The following BLTP3A variants were observed in gnomAD, a reference collection of about 807,000 sequenced individuals.
BLTP3A encodes ICBP90 binding protein 1.
chr6:34,859,457 A>G, the BLTP3A span: 2 of 1,614,198 alleles, frequency 1.2e-6, no homozygotes, highest in South Asian at 1.1e-5. Flanking sequence ...GAGGCTCTAC[A>G]TGCCACCATG....
At chr6:34,825,542 G>A in the BLTP3A span, among the ~76,000 whole-genome samples, 4 of 152,260 alleles carry the variant, frequency 2.6e-5, no homozygotes, top group African/African-American at 9.6e-5. Context: ...CCTGACCTTA[G>A]GTGATCCACC....
the BLTP3A span, chr6:34,870,796 G>A: frequency 8.9e-6 from 14 of 1,576,030 alleles, no homozygotes; most frequent in Non-Finnish European, 1.1e-5. Context: ...GGTATATAAG[G>A]TGCCTAGAAG....
At chr6:34,795,429 A>T in the BLTP3A span, among the ~76,000 whole-genome samples, 1 of 139,526 alleles carries the variant, frequency 7.2e-6, no homozygotes. Context: ...ACTGAGTCTC[A>T]CTCTGTCGCC....
At chr6:34,809,392 C>T in the BLTP3A span, among the ~76,000 whole-genome samples, 1 of 151,996 alleles carries the variant, frequency 6.6e-6, no homozygotes, top group Non-Finnish European at 1.5e-5. Flanking sequence ...GACTCTGTCT[C>T]AAAAACAAAA....
the BLTP3A span, among the ~76,000 whole-genome samples, chr6:34,805,735 CAAAAAAAAAAAAA>C: frequency 2.7e-5 from 2 of 73,722 alleles, no homozygotes; most frequent in African/African-American, 5.0e-5. Context: ...GACCCTATCT[CAAAAAAAAAAAAA>C]AAAAAAAAAA....
chr6:34,854,982 CATTT>C, the BLTP3A span, among the ~76,000 whole-genome samples: 7 of 152,168 alleles, frequency 4.6e-5, no homozygotes, highest in Non-Finnish European at 1.0e-4. Flanking sequence ...AAAGTTCATT[CATTT>C]AGTAAGAATT....
chr6:34,856,994 A>C, the BLTP3A span: 1 of 1,567,766 alleles, frequency 6.4e-7, no homozygotes, highest in East Asian at 2.3e-5. Flanking sequence ...CAGCTGGAAC[A>C]GTATAAACAA....
the BLTP3A span, among the ~76,000 whole-genome samples, chr6:34,832,457 A>G: frequency 6.9e-6 from 1 of 145,554 alleles, no homozygotes; most frequent in Non-Finnish European, 1.5e-5. Flanking sequence ...TTTTTCTGAG[A>G]CAGGGTCTGA....
the BLTP3A span, among the ~76,000 whole-genome samples, chr6:34,807,128 G>T: frequency 6.6e-6 from 1 of 152,174 alleles, no homozygotes; most frequent in Non-Finnish European, 1.5e-5. Flanking sequence ...TATTGTCCTA[G>T]ATGTAAGTTT....
chr6:34,876,837 C>T, the BLTP3A span: 1 of 152,144 alleles, frequency 6.6e-6, no homozygotes, highest in South Asian at 2.1e-4. Context: ...CCCCATGGCA[C>T]AAGGGGAAAC....
the BLTP3A span, among the ~76,000 whole-genome samples, chr6:34,830,963 C>A: frequency 1.3e-5 from 2 of 151,920 alleles, no homozygotes; most frequent in African/African-American, 4.8e-5. Flanking sequence ...TGGATATTGT[C>A]TTTCATAAAG....
the BLTP3A span, among the ~76,000 whole-genome samples, chr6:34,866,412 GAAAA>G: frequency 7.4e-6 from 1 of 134,828 alleles, no homozygotes; most frequent in Non-Finnish European, 1.6e-5. Flanking sequence ...TCAAAAAAAA[GAAAA>G]AAAAAAAAGA....
At chr6:34,839,861 C>T in the BLTP3A span, among the ~76,000 whole-genome samples, 3 of 152,256 alleles carry the variant, frequency 2.0e-5, no homozygotes, top group Non-Finnish European at 4.4e-5. Context: ...TGCCAGACGG[C>T]CAGTCTCCCT....
the BLTP3A span, among the ~76,000 whole-genome samples, chr6:34,866,578 G>T: frequency 6.6e-6 from 1 of 152,028 alleles, no homozygotes; most frequent in Admixed American, 6.6e-5. Flanking sequence ...TTAAATTGTG[G>T]TAAAATACAT....
chr6:34,834,753 A>C, the BLTP3A span: 1 of 1,613,708 alleles, frequency 6.2e-7, no homozygotes, highest in Non-Finnish European at 8.5e-7. Context: ...CTTGGCAAAC[A>C]CTCCGAATTG....
chr6:34,823,450 C>A, the BLTP3A span: 11 of 924,304 alleles, frequency 1.2e-5, no homozygotes, highest in Non-Finnish European at 1.7e-5. Flanking sequence ...TTCAAACTTA[C>A]ACTAAAGTAA....
the BLTP3A span, among the ~76,000 whole-genome samples, chr6:34,866,352 G>A: frequency 1.2e-4 from 18 of 151,426 alleles, no homozygotes; most frequent in Admixed American, 1.1e-3. Flanking sequence ...GTAGTGAGCC[G>A]AGATCACGCC....
At chr6:34,821,422 T>TC in the BLTP3A span, 3 of 337,422 alleles carry the variant, frequency 8.9e-6, no homozygotes, top group South Asian at 9.6e-5. Flanking sequence ...GTAGAGATGG[T>TC]GTGGTCTGAG....
chr6:34,840,249 T>C, the BLTP3A span, among the ~76,000 whole-genome samples: 2 of 152,166 alleles, frequency 1.3e-5, no homozygotes, highest in Non-Finnish European at 2.9e-5. Context: ...TTTGGGTATA[T>C]TGGTTTAAAT....
Sources: gnomAD v4.1 joint callset for allele counts (sites outside exome capture counted in the v4.1 genomes callset) on GRCh38, gnomAD v4.1.1 for gene constraint, MANE v1.5 for transcripts, NCBI Gene and HGNC (gene_info 2026-07-23, HGNC 2026-07-21) for gene names.